Variants in DENND4C observed in about 807,000 individuals in gnomAD.
DENND4C encodes DENN domain-containing protein 4C.
Under a neutral mutation model 203.0 loss-of-function variants are expected in DENND4C, and 108 were observed. That is an observed-to-expected ratio of 0.53 (90% confidence interval 0.46 to 0.62). The LOEUF is 0.62. Ranked by LOEUF, DENND4C falls within the 20% of genes least tolerant of loss-of-function variation. The probability of loss-of-function intolerance (pLI) is 0.00; values close to 1 mark genes in which losing one functional copy is unlikely to be tolerated. For synonymous variants in DENND4C, 871 were observed against 792.4 expected (o/e 1.10, Z -1.67); for missense variants, 2,481 against 2,301.2 (o/e 1.08, Z -1.60).
chr9:19,233,190 T>A (rs1221062221), intron 1 of DENND4C, among the ~76,000 whole-genome samples: 1 of 152,206 alleles, frequency 6.6e-6, no homozygotes, highest in Non-Finnish European at 1.5e-5. Context: ...TGTCATAATT[T>A]GAATTTCCAG....
chr9:19,345,221 T>C (rs566234292), intron 22 of DENND4C, among the ~76,000 whole-genome samples: 23 of 152,356 alleles, frequency 1.5e-4, no homozygotes, highest in African/African-American at 5.5e-4. Context: ...CTGCTTTCTT[T>C]TTCCAAAGCT....
rs1356813651 is a variant in DENND4C, at chr9:19,316,842, G to T, written c.1807+3G>T. 20 of 1,605,146 alleles carry T rather than the reference G, an allele frequency of 1.2e-5. 1 individual carries two copies. The highest frequency in any genetic ancestry group is 1.5e-5 in the Non-Finnish European group (18 of 1,177,116). ...TGATTCATTGTTTGACCGACAGGGT[G>T]AGTAGCATTGAAAGTACAATTCCTT... On this transcript the variant is annotated splice_donor_region_variant and intron_variant, in intron 12 of 32. Transcript: ENST00000434457.
intron 5 of DENND4C, among the ~76,000 whole-genome samples, chr9:19,293,399 C>A (rs548112063): frequency 6.6e-5 from 10 of 152,038 alleles, no homozygotes; most frequent in African/African-American, 2.4e-4. Flanking sequence ...AAACAGTTGG[C>A]AAGATTTATA....
chr9:19,324,617 G>C, intron 13 of DENND4C, 110 bp downstream of exon 13: 1 of 972,190 alleles, frequency 1.0e-6, no homozygotes, highest in Non-Finnish European at 1.5e-6. Flanking sequence ...GAGTAGGGTT[G>C]TGTATGTGTG....
chr9:19,291,146 A>G (rs1289037232), intron 5 of DENND4C, among the ~76,000 whole-genome samples: 6 of 152,192 alleles, frequency 3.9e-5, no homozygotes, highest in African/African-American at 1.4e-4. Context: ...ATGACAGATC[A>G]AGGACATAGG....
intron 10 of DENND4C, among the ~76,000 whole-genome samples, chr9:19,305,782 A>C (rs1283739613): frequency 6.6e-6 from 1 of 152,236 alleles, no homozygotes; most frequent in Non-Finnish European, 1.5e-5. Context: ...TATGTTTATC[A>C]GAAGAGACTA....
At chr9:19,325,814 T>G in intron 13 of DENND4C, 125 bp from the exon 14 acceptor site, 1 of 846,772 alleles carries the variant, frequency 1.2e-6, no homozygotes, top group South Asian at 1.6e-5. Context: ...AAATATACTG[T>G]GCATGTTTTG....
chr9:19,270,261 G>C (rs928606020), intron 1 of DENND4C, among the ~76,000 whole-genome samples: 1 of 152,116 alleles, frequency 6.6e-6, no homozygotes, highest in African/African-American at 2.4e-5. Flanking sequence ...ATATTGCCTG[G>C]CTACCACTGA....
chr9:19,248,452 C>T (rs113734255), intron 1 of DENND4C, among the ~76,000 whole-genome samples: 9,609 of 152,072 alleles, frequency 0.063, 571 homozygotes, highest in African/African-American at 0.15. Flanking sequence ...TACAATGGCA[C>T]GATCTTGGCT....
chr9:19,341,968 C>T (rs914170893), intron 21 of DENND4C, among the ~76,000 whole-genome samples: 2 of 151,912 alleles, frequency 1.3e-5, no homozygotes, highest in African/African-American at 4.8e-5. Context: ...ACTAAAAATA[C>T]AAAAATTAGC....
chr9:19,334,125 A>G lies in DENND4C; in HGVS notation c.2461-852A>G, dbSNP rs138476905. On this transcript the variant is annotated intron_variant, in intron 17 of 32. Coordinates refer to ENST00000434457, the MANE Select transcript of DENND4C (RefSeq NM_001330640.2). ...AGTGGCGCAGTCTTGGCTCACTACA[A>G]TCTCCGACTCCCGGGTTCCAGCAAT... Among the ~76,000 whole-genome samples, 41 of 152,240 alleles carry G rather than the reference A, an allele frequency of 2.7e-4. No homozygotes were observed. In the East Asian group the frequency reaches 4.8e-3, roughly 18 times the overall value.
At chr9:19,362,551 A>G (rs1826726579) in intron 30 of DENND4C, among the ~76,000 whole-genome samples, 1 of 147,680 alleles carries the variant, frequency 6.8e-6, no homozygotes, top group Non-Finnish European at 1.5e-5. Context: ...AAAAAAAAGT[A>G]CACACACACA....
At chr9:19,260,176 T>C (rs1829008890) in intron 1 of DENND4C, among the ~76,000 whole-genome samples, 1 of 152,204 alleles carries the variant, frequency 6.6e-6, no homozygotes, top group Non-Finnish European at 1.5e-5. Flanking sequence ...TGAGATGATA[T>C]CTCATTTTAG....
At chr9:19,340,919 T>TCG in intron 20 of DENND4C, 73 bp from the exon 21 acceptor site, 1 of 1,277,830 alleles carries the variant, frequency 7.8e-7, no homozygotes, top group South Asian at 2.2e-5. Context: ...CAGTGGAATT[T>TCG]TCTTGTGATT....
chr9:19,348,980 A>AT (rs1823512053), intron 23 of DENND4C, among the ~76,000 whole-genome samples: 1 of 151,876 alleles, frequency 6.6e-6, no homozygotes, highest in African/African-American at 2.4e-5. Context: ...CTAATATTTT[A>AT]TTTTTTGTAG....
At chr9:19,314,840 G>GCTTT in intron 10 of DENND4C, among the ~76,000 whole-genome samples, 1 of 152,020 alleles carries the variant, frequency 6.6e-6, no homozygotes, top group Non-Finnish European at 1.5e-5. Context: ...CTTAGGTAAA[G>GCTTT]GGCTTACAAC....
intron 1 of DENND4C, among the ~76,000 whole-genome samples, chr9:19,236,288 C>G (rs917997796): frequency 6.6e-6 from 1 of 151,990 alleles, no homozygotes; most frequent in East Asian, 1.9e-4. Flanking sequence ...TAGAATGGAG[C>G]AAAATATGCT....
At position 19,345,968 on chromosome 9, in the gene DENND4C, G is replaced by A. The variant is rs1588961406; in HGVS notation, c.3199G>A (p.Ala1067Thr). The A allele has an allele frequency of 6.2e-7, 1 of 1,613,934 alleles. No homozygotes were observed. The highest frequency in any genetic ancestry group is 1.1e-5 in the South Asian group (1 of 91,062). Residue 1067 changes from alanine (A) to threonine (T), a missense_variant, in exon 23 of 33, where the codon GCA becomes ACA. Ala to Thr is a moderately conservative substitution (Grantham distance 58, BLOSUM62 0). This residue lies in a region of DENND4C where 2,289 missense variants were observed against 2,113.3 expected (regional missense o/e 1.08). Coordinates refer to ENST00000434457, the MANE Select transcript of DENND4C (RefSeq NM_001330640.2). ...TTCTACTCAAGATCCAGTTGAAGATGCAGTCTTTGGCGAAGCTACTAATCT... is the reference window on the plus strand; with the variant it reads ...TTCTACTCAAGATCCAGTTGAAGATACAGTCTTTGGCGAAGCTACTAATCT... ...LFSTQDPVEDAVFGEATNLKK... is the reference protein window; with the variant it reads ...LFSTQDPVEDTVFGEATNLKK...
intron 16 of DENND4C, among the ~76,000 whole-genome samples, chr9:19,328,661 ATC>A (rs1563808530): frequency 0.032 from 3,231 of 101,726 alleles, 126 homozygotes; most frequent in African/African-American, 0.13. Flanking sequence ...CTGTCTGTCT[ATC>A]TATCTATCTA....
Sources: allele counts gnomAD v4.1 joint callset (sites outside exome capture counted in the v4.1 genomes callset), GRCh38; gene constraint gnomAD v4.1.1; regional missense constraint gnomAD v4.1.1; transcripts MANE v1.5; gene names NCBI Gene and HGNC (gene_info 2026-07-23, HGNC 2026-07-21).